XPNPEP3: variants seen among roughly 807,000 people sequenced by gnomAD.
The protein encoded by XPNPEP3 is X-prolyl aminopeptidase 3, also known as xaa-Pro aminopeptidase 3.
XPNPEP3 carries 41 observed loss-of-function variants against 60.0 expected under a neutral mutation model. The observed-to-expected ratio is 0.68, with a 90% confidence interval of 0.53 to 0.89. XPNPEP3 has a LOEUF of 0.89. Ranked by LOEUF, XPNPEP3 falls within the 40% of genes least tolerant of loss-of-function variation. XPNPEP3 has a pLI of 0.00. For synonymous variants in XPNPEP3, 212 were observed against 223.2 expected, an observed-to-expected ratio of 0.95 and a Z score of 0.45; for missense variants, 598 against 638.9, an observed-to-expected ratio of 0.94 and a Z score of 0.69.
intron 1 of XPNPEP3, chr22:40,861,350 A>ATC: frequency 6.2e-7 from 1 of 1,614,150 alleles, no homozygotes; most frequent in South Asian, 1.1e-5. Flanking sequence ...ACTCTCCATT[A>ATC]TCTTCAGCTT....
intron 4 of XPNPEP3, among the ~76,000 whole-genome samples, chr22:40,887,931 C>A (rs767916206): frequency 2.2e-4 from 33 of 152,052 alleles, no homozygotes; most frequent in Non-Finnish European, 3.8e-4. Context: ...TTAAAAAAAT[C>A]TTTTTACTGT....
In XPNPEP3 at chr22:40,909,158, T is replaced by G; in HGVS notation, c.892T>G (p.Leu298Val). The change falls in exon 6 of 10, where the codon TTA (leucine) becomes GTA (valine). Residue 298 changes from leucine to valine, a missense_variant. Physicochemically the swap from Leu to Val is conservative, Grantham distance 32. Transcript: ENST00000357137. ...ATGCCGGGCTCGTGGCGCAGACATTTTAGCCTATCCACCTGTGGTGGCTGG... is the reference window on the plus strand; with the variant it reads ...ATGCCGGGCTCGTGGCGCAGACATTGTAGCCTATCCACCTGTGGTGGCTGG... Reference protein sequence around the residue: ...FECRARGADILAYPPVVAGGN... With the variant: ...FECRARGADIVAYPPVVAGGN... 2 of 1,614,214 alleles carry G rather than the reference T, an allele frequency of 1.2e-6. No homozygotes were observed. The highest frequency in any genetic ancestry group is 1.7e-6 in the Non-Finnish European group (2 of 1,180,036).
At chr22:40,908,587 C>T (rs932853324) in intron 5 of XPNPEP3, among the ~76,000 whole-genome samples, 2 of 152,202 alleles carry the variant, frequency 1.3e-5, no homozygotes, top group African/African-American at 4.8e-5. Context: ...ATCCTGTATC[C>T]TGGAACGTAG....
intron 1 of XPNPEP3, among the ~76,000 whole-genome samples, chr22:40,868,363 G>C (rs1426344447): frequency 6.6e-6 from 1 of 151,732 alleles, no homozygotes; most frequent in African/African-American, 2.4e-5. Context: ...TCCTTCCCCT[G>C]CCTTTTTTGG....
rs1252384948 is a variant in XPNPEP3, at chr22:40,926,786, A to G, written c.*351A>G. The G allele has an allele frequency of 3.0e-6, 1 of 332,044 alleles. No homozygotes were observed. The highest frequency in any genetic ancestry group is 5.8e-6 in the Non-Finnish European group (1 of 172,784). 20.6% of individuals were successfully genotyped at this position (332,044 alleles called of 1,614,324 possible). ...ATATAGAAAATTCACTTCTTCTTTC[A>G]AGTCCTTCCCTTTCTATACTTTTGC... is the stretch of plus-strand genomic sequence containing the variant. On this transcript the variant is annotated 3_prime_UTR_variant, in exon 10 of 10. Transcript: ENST00000357137.
At chr22:40,876,354 G>C (rs2058027764) in intron 2 of XPNPEP3, among the ~76,000 whole-genome samples, 1 of 152,148 alleles carries the variant, frequency 6.6e-6, no homozygotes, top group African/African-American at 2.4e-5. Context: ...CAGTTCAAGT[G>C]TAAATTTTTT....
At chr22:40,887,705 C>G (rs9623266) in intron 4 of XPNPEP3, among the ~76,000 whole-genome samples, 15 of 152,172 alleles carry the variant, frequency 9.9e-5, no homozygotes, top group African/African-American at 2.9e-4. Flanking sequence ...ATGCAACAGA[C>G]TACCTCAGAA....
Position 40,927,378 on chromosome 22 carries a change from G to T in XPNPEP3, c.*943G>T, listed in dbSNP as rs2058238001. The T allele has an allele frequency of 6.6e-6, 1 of 152,240 alleles. No individual in the cohort carries two copies. The highest frequency in any genetic ancestry group is 1.5e-5 in the Non-Finnish European group (1 of 68,140). 9.4% of individuals were successfully genotyped at this position (152,240 alleles called of 1,614,324 possible). On this transcript the variant is annotated 3_prime_UTR_variant, in exon 10 of 10. Coordinates refer to ENST00000357137, the MANE Select transcript of XPNPEP3 (RefSeq NM_022098.4). The stretch of plus-strand genomic sequence containing the variant: ...AATCCTGGCTACTTGGGAGGCTGAG[G>T]CATGAGAATTGCTTGAACCTGGGAG...
At chr22:40,873,075 G>GTTTTCT (rs779752982) in intron 2 of XPNPEP3, among the ~76,000 whole-genome samples, 71 of 117,654 alleles carry the variant, frequency 6.0e-4, no homozygotes, top group African/African-American at 1.8e-3. Context: ...CTTCATGGTT[G>GTTTTCT]TTTTCTTTTT....
intron 4 of XPNPEP3, among the ~76,000 whole-genome samples, chr22:40,899,973 G>A (rs2058125382): frequency 6.6e-6 from 1 of 152,044 alleles, no homozygotes; most frequent in Admixed American, 6.6e-5. Flanking sequence ...GTGGTGATAG[G>A]AGAATCACTT....
intron 3 of XPNPEP3, among the ~76,000 whole-genome samples, chr22:40,884,815 C>G (rs957539396): frequency 6.6e-6 from 1 of 151,270 alleles, no homozygotes; most frequent in African/African-American, 2.4e-5. Context: ...TGCCTGAGAT[C>G]AGGAGTTCGA....
rs887907600 is a variant in XPNPEP3, at chr22:40,926,518, G to A, written c.*83G>A. ...GCACGTGTGCTTTCTGAGTGTCTCT[G>A]TGTGTGCATTAATATATGCATTCCA... On this transcript the variant is annotated 3_prime_UTR_variant, in exon 10 of 10. Transcript: ENST00000357137. 2 of 1,490,536 alleles carry A rather than the reference G, an allele frequency of 1.3e-6. No individual in the cohort carries two copies. The highest frequency in any genetic ancestry group is 1.9e-6 in the Non-Finnish European group (2 of 1,070,278). The allele number at this position is 1,490,536 out of a possible 1,614,324, so 92.3% of individuals were successfully genotyped here.
rs2058257233 is a variant in XPNPEP3, at chr22:40,932,217, C to T, written c.*5782C>T. ...TTAGAACCTATCTGCTGTCCCTCAA[C>T]TAGTGTCTGATAGCTGAGAATGTAA... On this transcript the variant is annotated 3_prime_UTR_variant, in exon 10 of 10. Transcript: ENST00000357137. 1 of 152,126 alleles carries T rather than the reference C, an allele frequency of 6.6e-6. No individual in the cohort carries two copies. Among genetic ancestry groups the T allele is most frequent in the Non-Finnish European group, 1.5e-5 (1 of 68,026 alleles). 9.4% of individuals were successfully genotyped at this position (152,126 alleles called of 1,614,324 possible). A position where few individuals can be genotyped will look rare whatever the true frequency, so the allele number is the denominator to read the frequency against.
chr22:40,926,890 A>G lies in XPNPEP3; in HGVS notation c.*455A>G. 1 of 238,664 alleles carries G rather than the reference A, an allele frequency of 4.2e-6. No individual in the cohort carries two copies. The highest frequency in any genetic ancestry group is 8.4e-6 in the Non-Finnish European group (1 of 119,676). The allele number at this position is 238,664 out of a possible 1,614,324, so 14.8% of individuals were successfully genotyped here. A position where few individuals can be genotyped will look rare whatever the true frequency, so the allele number is the denominator to read the frequency against. ...ATTACCAAGGTCTCTGCCTATGCAA[A>G]AATTCATCTTTCGGTGATTGTGGGC... is the stretch of plus-strand genomic sequence containing the variant. On this transcript the variant is annotated 3_prime_UTR_variant, in exon 10 of 10. Coordinates refer to ENST00000357137, the MANE Select transcript of XPNPEP3 (RefSeq NM_022098.4).
chr22:40,873,051 CAT>C lies in XPNPEP3; in HGVS notation c.181+3939_181+3940del, dbSNP rs1261221966. Among the ~76,000 whole-genome samples, 4 of 147,944 alleles carry C rather than the reference CAT, an allele frequency of 2.7e-5. No individual in the cohort carries two copies. In the East Asian group the frequency reaches 8.2e-4, roughly 30 times the overall value. On this transcript the variant is annotated intron_variant, in intron 2 of 9. Transcript: ENST00000357137. ...GGGCTTGTCAGAATAACTTGTCTGA[CAT>C]ATGTAGAACCACTTCATGGTTGTTT...
intron 7 of XPNPEP3, among the ~76,000 whole-genome samples, chr22:40,916,226 A>G (rs1180548356): frequency 6.6e-6 from 1 of 151,844 alleles, no homozygotes; most frequent in East Asian, 1.9e-4. Context: ...GGGAAAGGGG[A>G]GGTTGCAGTG....
At chr22:40,868,014 A>G (rs1373198256) in intron 1 of XPNPEP3, among the ~76,000 whole-genome samples, 1 of 151,826 alleles carries the variant, frequency 6.6e-6, no homozygotes, top group Non-Finnish European at 1.5e-5. Flanking sequence ...TTAATATTGT[A>G]ATGCTCTATT....
intron 1 of XPNPEP3, among the ~76,000 whole-genome samples, chr22:40,858,688 C>G (rs570212201): frequency 6.6e-6 from 1 of 152,038 alleles, no homozygotes; most frequent in Non-Finnish European, 1.5e-5. Context: ...CCCGCCACCA[C>G]GCCTGGCTAA....
At chr22:40,900,949 T>TA (rs1422489027) in intron 4 of XPNPEP3, among the ~76,000 whole-genome samples, 1 of 151,416 alleles carries the variant, frequency 6.6e-6, no homozygotes, top group Non-Finnish European at 1.5e-5. Flanking sequence ...ATAATGATCT[T>TA]AAAAAATAAT....
Sources: allele counts gnomAD v4.1 joint callset (sites outside exome capture counted in the v4.1 genomes callset), GRCh38; gene constraint gnomAD v4.1.1; transcripts MANE v1.5; gene names NCBI Gene and HGNC (gene_info 2026-07-23, HGNC 2026-07-21).